The following FADS3 variants were observed in gnomAD, a reference collection of about 807,000 sequenced individuals.
FADS3 encodes cytochrome b5-related protein.
A neutral mutation model predicts 60.4 loss-of-function variants in FADS3; 30 were observed. That is an observed-to-expected ratio of 0.50 (90% CI 0.37 to 0.67). The LOEUF is 0.67. Among genes scored for constraint, FADS3 ranks in the 30% least tolerant of loss-of-function variants. The pLI is 0.00. For synonymous variants in FADS3, 234 were observed against 249.3 expected (o/e 0.94, Z 0.58); for missense variants, 432 against 598.3 (o/e 0.72, Z 2.90).
At position 61,891,437 on chromosome 11, in the gene FADS3, C is replaced by A; in HGVS notation, c.-56G>T. ...CGGTGGCCGAGGTCCGAGCAAGACC[C>A]CGAGGGAAGCGAAGAGCGCTCCCGG... On this transcript the variant is annotated 5_prime_UTR_variant, in exon 1 of 12. Transcript: ENST00000278829. 1 of 1,258,556 alleles carries A rather than the reference C, an allele frequency of 7.9e-7. No individual in the cohort carries two copies. The highest frequency in any genetic ancestry group is 4.1e-5 in the Admixed American group (1 of 24,412). The allele number at this position is 1,258,556 out of a possible 1,614,324, so 78.0% of individuals were successfully genotyped here.
chr11:61,873,771 T>A lies in FADS3; in HGVS notation c.*43A>T. ...CGATCCCGCCGGGGGCTGGCTTGGT[T>A]GCTGGTGCCCTGAGCCCTTCTCTGC... On this transcript the variant is annotated 3_prime_UTR_variant, in exon 12 of 12. Transcript: ENST00000278829. 6.4e-7 allele frequency: 1 copy of A among 1,555,792 alleles called. No homozygotes were observed. The highest frequency in any genetic ancestry group is 1.1e-5 in the South Asian group (1 of 87,334).
intron 1 of FADS3, among the ~76,000 whole-genome samples, chr11:61,883,412 T>C (rs1463363479): frequency 1.3e-5 from 2 of 152,182 alleles, no homozygotes; most frequent in African/African-American, 2.4e-5. Context: ...GCCAGCGTGA[T>C]GGTGAGTCCC....
At position 61,876,202 on chromosome 11, in the gene FADS3, C is replaced by T. The variant is rs200123055; in HGVS notation, c.1081-12G>A. 7.5e-6 allele frequency: 12 copies of T among 1,591,758 alleles called. No homozygotes were observed. The highest frequency in any genetic ancestry group is 2.7e-5 in the African/African-American group (2 of 74,600). ...CAGGTGGCTGCCAGCTGCCGGAAGC[C>T]GGCGGGGCACATGTGAGGAGGCCGT... On this transcript the variant is annotated splice_polypyrimidine_tract_variant and intron_variant, in intron 9 of 11. Transcript: ENST00000278829. This position sits in a 1 kb window ranked among gnomAD's most constrained non-coding sequence, Gnocchi z 5.7.
In FADS3 at chr11:61,877,528, C is replaced by T; in HGVS notation, c.868G>A (p.Val290Met). The T allele has an allele frequency of 6.2e-7, 1 of 1,613,652 alleles. No individual in the cohort carries two copies. The highest frequency in any genetic ancestry group is 8.5e-7 in the Non-Finnish European group (1 of 1,179,998). Residue 290 changes from valine (V) to methionine (M), a missense_variant, in exon 7 of 12, where the codon GTG becomes ATG. Val to Met is a conservative substitution (Grantham distance 21, BLOSUM62 1). Transcript: ENST00000278829. The surrounding 1 kb of genome is among the most constrained non-coding windows in gnomAD (Gnocchi z 4.7). ...FEVENLAYML[V>M]CMQWADLLWA... is the part of the protein sequence containing the mutation. The stretch of plus-strand genomic sequence containing the variant: ...CCACTCACCGCCCACTGCATGCACA[C>T]CAGCATGTACGCCAGATTTTCCACT...
At chr11:61,875,400 T>G (rs1179252713) in intron 11 of FADS3, among the ~76,000 whole-genome samples, 18 of 148,846 alleles carry the variant, frequency 1.2e-4, no homozygotes, top group African/African-American at 3.2e-4. Context: ...TTTTTTTTTT[T>G]TTTTTTTTTT....
chr11:61,878,381 G>A (rs920591252), intron 5 of FADS3, 131 bp downstream of exon 5: 2 of 1,418,026 alleles, frequency 1.4e-6, no homozygotes, highest in Non-Finnish European at 2.0e-6. Flanking sequence ...AAGACACGGG[G>A]GCAGAGCTTG....
At chr11:61,882,098 GTTTTTTTTTTTTTTTTTT>G (rs10585384) in intron 1 of FADS3, 2 of 37,886 alleles carry the variant, frequency 5.3e-5, no homozygotes, top group African/African-American at 2.0e-4. Context: ...CCCACTGGGT[GTTTTTTTTTTTTTTTTTT>G]TTTTTTTTTT....
intron 5 of FADS3, 58 bp from the exon 6 acceptor site, chr11:61,878,273 G>GACCTT: frequency 6.4e-7 from 1 of 1,570,994 alleles, no homozygotes; most frequent in Non-Finnish European, 8.8e-7. Context: ...CCTTCTCCCG[G>GACCTT]GCAAGGTCAC....
At chr11:61,875,540 A>G (rs73489338) in intron 11 of FADS3, among the ~76,000 whole-genome samples, 3,487 of 152,088 alleles carry the variant, frequency 0.023, 132 homozygotes, top group African/African-American at 0.076. Flanking sequence ...GCCCTGAGAC[A>G]TGGCTTCTGT....
chr11:61,885,214 G>A (rs961786087), intron 1 of FADS3, among the ~76,000 whole-genome samples: 7 of 152,106 alleles, frequency 4.6e-5, no homozygotes, highest in Admixed American at 1.3e-4. Flanking sequence ...AAGCCCCACC[G>A]TGAATCCCAC....
At chr11:61,883,370 C>T (rs748590511) in intron 1 of FADS3, among the ~76,000 whole-genome samples, 3 of 152,212 alleles carry the variant, frequency 2.0e-5, no homozygotes, top group African/African-American at 7.2e-5. Flanking sequence ...TGTTGCAGCA[C>T]GTGTCAGGAT....
At chr11:61,890,750 AG>A (rs202193712) in intron 1 of FADS3, among the ~76,000 whole-genome samples, 2,164 of 152,260 alleles carry the variant, frequency 0.014, 57 homozygotes, top group African/African-American at 0.05. Flanking sequence ...AGGCCGGCCC[AG>A]CCCCCAGCCT....
At position 61,877,718 on chromosome 11, in the gene FADS3, AC is replaced by A; in HGVS notation, c.809-132del. ...GGTGCTGGTCACATCCAGCTGAATG[AC>A]CCCATATCACCCCCAATTCTGTGTC... On this transcript the variant is annotated intron_variant, in intron 6 of 11. Transcript: ENST00000278829. The surrounding 1 kb of genome is among the most constrained non-coding windows in gnomAD (Gnocchi z 4.7). 1 of 756,448 alleles carries A rather than the reference AC, an allele frequency of 1.3e-6. No homozygotes were observed. The highest frequency in any genetic ancestry group is 2.2e-6 in the Non-Finnish European group (1 of 453,184). The allele number at this position is 756,448 out of a possible 1,614,324, so 46.9% of individuals were successfully genotyped here. A position where few individuals can be genotyped will look rare whatever the true frequency, so the allele number is the denominator to read the frequency against.
Position 61,876,499 on chromosome 11 carries a change from T to G in FADS3, c.984-44A>C. On this transcript the variant is annotated intron_variant, in intron 8 of 11. Transcript: ENST00000278829. This position sits in a 1 kb window ranked among gnomAD's most constrained non-coding sequence, Gnocchi z 5.7. ...ACTGCCCTAGGTCCAGCTCACCACT[T>G]AGGCACCCTGAGTGGAGGCTGGAGA... 2.0e-6 allele frequency: 3 copies of G among 1,497,416 alleles called. No individual in the cohort carries two copies. The highest frequency in any genetic ancestry group is 2.8e-6 in the Non-Finnish European group (3 of 1,075,010). The allele number at this position is 1,497,416 out of a possible 1,614,324, so 92.8% of individuals were successfully genotyped here.
rs1005973707 is a variant in FADS3, at chr11:61,891,545, C to A, written c.-164G>T. 2.8e-6 allele frequency: 1 copy of A among 358,990 alleles called. No individual in the cohort carries two copies. The highest frequency in any genetic ancestry group is 5.7e-5 in the East Asian group (1 of 17,550). The allele number at this position is 358,990 out of a possible 1,614,324, so 22.2% of individuals were successfully genotyped here. ...ACGAGCGAGCGTGCGCCTCCCGGCTCGCGGCGCAGGGAACTCCCCGCCTTA... is the reference window on the plus strand; with the variant it reads ...ACGAGCGAGCGTGCGCCTCCCGGCTAGCGGCGCAGGGAACTCCCCGCCTTA... On this transcript the variant is annotated 5_prime_UTR_variant, in exon 1 of 12. Transcript: ENST00000278829.
intron 2 of FADS3, 147 bp from the exon 3 acceptor site, chr11:61,879,656 G>A (rs1938051702): frequency 1.0e-5 from 8 of 773,288 alleles, no homozygotes; most frequent in Middle Eastern, 3.7e-4. Context: ...CCCGGGGTGT[G>A]AGCTGGAGCA....
intron 1 of FADS3, 27 bp downstream of exon 1, chr11:61,891,142 T>C: frequency 6.5e-7 from 1 of 1,541,804 alleles, no homozygotes; most frequent in Non-Finnish European, 8.8e-7. Context: ...CACCCGCCGG[T>C]GGGTGGCTTC....
Position 61,879,453 on chromosome 11 carries a change from C to T in FADS3, c.381G>A (p.Leu127=). ...CAAAGAAGGTGGGACTGGCATCAAA[C>T]AGCTTCATGTCCTCGGCTGCCTGGT... ...ALHQAAEDMK[L]FDASPTFFAF... is the part of the protein sequence containing the mutation. The change falls in exon 3 of 12, where the codon CTG becomes CTA. Residue 127 remains leucine, a synonymous_variant. Coordinates refer to ENST00000278829, the MANE Select transcript of FADS3 (RefSeq NM_021727.5). The T allele has an allele frequency of 6.2e-7, 1 of 1,606,492 alleles. No homozygotes were observed. Among genetic ancestry groups the T allele is most frequent in the Non-Finnish European group, 8.5e-7 (1 of 1,177,372 alleles).
chr11:61,885,683 T>C (rs1160398340), intron 1 of FADS3, among the ~76,000 whole-genome samples: 1 of 152,066 alleles, frequency 6.6e-6, no homozygotes, highest in African/African-American at 2.4e-5. Context: ...GGTCACTCCC[T>C]AGGAGAATCA....
Sources: gnomAD v4.1 joint callset for allele counts (sites outside exome capture counted in the v4.1 genomes callset) on GRCh38, gnomAD v4.1.1 for gene constraint, Gnocchi (gnomAD v3.1) non-coding constraint, MANE v1.5 for transcripts, NCBI Gene and HGNC (gene_info 2026-07-23, HGNC 2026-07-21) for gene names.